PIK3CA: variants seen among roughly 807,000 people sequenced by gnomAD.
The protein encoded by PIK3CA is phosphatidylinositol 4,5-bisphosphate 3-kinase catalytic subunit alpha isoform.
PIK3CA carries 27 observed loss-of-function variants against 138.2 expected under a neutral mutation model. The observed-to-expected ratio is 0.20, with a 90% CI of 0.14 to 0.27. The LOEUF is 0.27. PIK3CA is among the 10% of genes least tolerant of loss of function. The probability of loss-of-function intolerance (pLI) is 1.00; values close to 1 mark genes in which losing one functional copy is unlikely to be tolerated. For missense variants in PIK3CA, 544 were observed against 1,277.4 expected (o/e 0.43, Z 8.75); for synonymous variants, 358 against 413.2 (o/e 0.87, Z 1.62).
intron 1 of PIK3CA, among the ~76,000 whole-genome samples, chr3:179,170,566 A>G (rs1261025780): frequency 6.6e-6 from 1 of 152,214 alleles, no homozygotes; most frequent in East Asian, 1.9e-4. Flanking sequence ...TCATCAAAAT[A>G]AATGTATCTT....
intron 1 of PIK3CA, among the ~76,000 whole-genome samples, chr3:179,157,894 T>C (rs1723179780): frequency 6.6e-6 from 1 of 152,158 alleles, no homozygotes; most frequent in African/African-American, 2.4e-5. Flanking sequence ...TTTCTTCATT[T>C]GTAAATGAGG....
rs1725256562 is a variant in PIK3CA at position 179,233,390 on chromosome 3, T to C, written c.2937-704T>C. 3 of 398,048 alleles carry C rather than the reference T, an allele frequency of 7.5e-6. No homozygotes were observed. The East Asian group carries it at 1.1e-4, about 14-fold the overall frequency. The allele number at this position is 398,048 out of a possible 1,614,324, so 24.7% of individuals were successfully genotyped here. ...TTTTGAGGTAAGTCCCTTCTATGCCTAGTTTGTTGAGTGAAAAACTATTTT... is the reference window on the plus strand; with the variant it reads ...TTTTGAGGTAAGTCCCTTCTATGCCCAGTTTGTTGAGTGAAAAACTATTTT... On this transcript the variant is annotated intron_variant, in intron 20 of 20. Transcript: ENST00000263967.
intron 4 of PIK3CA, among the ~76,000 whole-genome samples, chr3:179,203,310 T>G (rs368198434): frequency 2.6e-5 from 4 of 152,338 alleles, no homozygotes; most frequent in South Asian, 4.1e-4. Context: ...AAGTTGACCT[T>G]AATTTTTTTC....
intron 6 of PIK3CA, among the ~76,000 whole-genome samples, chr3:179,205,988 G>A (rs1724548792): frequency 6.6e-6 from 1 of 151,982 alleles, no homozygotes; most frequent in African/African-American, 2.4e-5. Context: ...CTGCCACAGG[G>A]AAGGAAGATA....
At chr3:179,185,296 C>G (rs753697498) in intron 1 of PIK3CA, among the ~76,000 whole-genome samples, 2 of 152,200 alleles carry the variant, frequency 1.3e-5, no homozygotes, top group South Asian at 2.1e-4. Context: ...TTAAAAGAAT[C>G]AGGTCAAGTG....
chr3:179,203,483 C>G (rs2108392309), intron 4 of PIK3CA, 61 bp from the exon 5 acceptor site: 1 of 1,501,592 alleles, frequency 6.7e-7, no homozygotes, highest in South Asian at 1.3e-5. Context: ...AATACTCTGA[C>G]ATGTTACTTT....
chr3:179,198,712 G>T, intron 1 of PIK3CA, 38 bp from the exon 2 acceptor site: 2 of 566,080 alleles, frequency 3.5e-6, no homozygotes. Context: ...TTCTGTAGTT[G>T]TGTCTCTTTT....
chr3:179,162,721 A>G (rs1723316226), intron 1 of PIK3CA, among the ~76,000 whole-genome samples: 1 of 152,176 alleles, frequency 6.6e-6, no homozygotes, highest in African/African-American at 2.4e-5. Flanking sequence ...TAAATGAGCC[A>G]ATGTGAAGAA....
At chr3:179,158,409 T>C (rs1159476757) in intron 1 of PIK3CA, among the ~76,000 whole-genome samples, 1 of 152,104 alleles carries the variant, frequency 6.6e-6, no homozygotes, top group African/African-American at 2.4e-5. Flanking sequence ...TCCTGGAATC[T>C]TCGAATTCCC....
In PIK3CA at chr3:179,238,423, C is replaced by G. The variant is rs2091652; in HGVS notation, c.*4059C>G. 4.5e-6 allele frequency: 1 copy of G among 220,010 alleles called. No individual in the cohort carries two copies. Among genetic ancestry groups the G allele is most frequent in the Non-Finnish European group, 9.1e-6 (1 of 109,822 alleles). The allele number at this position is 220,010 out of a possible 1,614,324, so 13.6% of individuals were successfully genotyped here. A position where few individuals can be genotyped will look rare whatever the true frequency, so the allele number is the denominator to read the frequency against. On this transcript the variant is annotated 3_prime_UTR_variant, in exon 21 of 21. Coordinates refer to ENST00000263967, the MANE Select transcript of PIK3CA (RefSeq NM_006218.4). ...AATTATTTTTACTGTATGAAAAGAT[C>G]ATGGGGTTTAGCTCAAAATATCTGT... is the stretch of plus-strand genomic sequence containing the variant.
At position 179,172,491 on chromosome 3, in the gene PIK3CA, GA is replaced by G. The variant is rs532076726; in HGVS notation, c.-77+23900del. Among the ~76,000 whole-genome samples the G allele has an allele frequency of 2.5e-3, 348 of 139,910 alleles. 2 individuals carry two copies. The highest frequency in any genetic ancestry group is 0.021 in the East Asian group (99 of 4,788). 91.8% of individuals were successfully genotyped at this position (139,910 alleles called of 152,430 possible). A position where few individuals can be genotyped will look rare whatever the true frequency, so the allele number is the denominator to read the frequency against. On this transcript the variant is annotated intron_variant, in intron 1 of 20. Transcript: ENST00000263967. ...AAAGTTCTAAAGAATCTACCAAAAA[GA>G]AAAAAAAAAAATACTAGAACTAACA...
chr3:179,161,061 T>G (rs1289316451), intron 1 of PIK3CA, among the ~76,000 whole-genome samples: 6 of 152,182 alleles, frequency 3.9e-5, no homozygotes, highest in Non-Finnish European at 8.8e-5. Flanking sequence ...TCAAGTCTTC[T>G]TGGCTCAGTA....
chr3:179,212,737 G>A (rs537438278), intron 9 of PIK3CA, among the ~76,000 whole-genome samples: 3 of 151,916 alleles, frequency 2.0e-5, no homozygotes, highest in Non-Finnish European at 2.9e-5. Context: ...CATCATGCCC[G>A]GCCAAAAGAC....
chr3:179,157,490 ACT>A (rs1723167308), intron 1 of PIK3CA, among the ~76,000 whole-genome samples: 1 of 152,012 alleles, frequency 6.6e-6, no homozygotes, highest in South Asian at 2.1e-4. Flanking sequence ...ATATTATGAG[ACT>A]CTAGATTTCT....
In PIK3CA at chr3:179,234,340, A is replaced by G. The variant is rs924834976; in HGVS notation, c.3183A>G (p.Thr1061=). 1.2e-6 allele frequency: 2 copies of G among 1,611,882 alleles called. No homozygotes were observed. The highest frequency in any genetic ancestry group is 1.3e-5 in the African/African-American group (1 of 74,956). The change falls in exon 21 of 21, where the codon ACA becomes ACG. Residue 1061 remains threonine, a synonymous_variant. Transcript: ENST00000263967. This position sits in a 1 kb window ranked among gnomAD's most constrained non-coding sequence, Gnocchi z 5.1. ...WTTKMDWIFH[T]IKQHALN Reference sequence around the variant, plus strand: ...CAAAAATGGATTGGATCTTCCACACAATTAAACAGCATGCATTGAACTGAA... The same window carrying G: ...CAAAAATGGATTGGATCTTCCACACGATTAAACAGCATGCATTGAACTGAA...
intron 1 of PIK3CA, among the ~76,000 whole-genome samples, chr3:179,198,158 G>T (rs926981908): frequency 2.6e-5 from 4 of 151,990 alleles, no homozygotes; most frequent in Non-Finnish European, 5.9e-5. Context: ...ATATCACCTA[G>T]ATAAGAATCA....
rs532784201 is a variant in PIK3CA at position 179,229,158 on chromosome 3, G to C, written c.2496-114G>C. ...AGAAAATTAAAATTGGGGAAAGGCA[G>C]TAAAGGTCATGCATGACAAATTTAC... On this transcript the variant is annotated intron_variant, in intron 17 of 20. Transcript: ENST00000263967. 1.3e-4 allele frequency: 93 copies of C among 735,348 alleles called. 1 individual carries two copies. Among genetic ancestry groups the C allele is most frequent in the Non-Finnish European group, 1.7e-4 (78 of 456,300 alleles). The allele number at this position is 735,348 out of a possible 1,614,324, so 45.6% of individuals were successfully genotyped here. A position where few individuals can be genotyped will look rare whatever the true frequency, so the allele number is the denominator to read the frequency against.
Position 179,219,181 on chromosome 3 carries a change from G to T in PIK3CA, c.1665-15G>T. ...ATGCAAGAATGTTTATGTTTATTTT[G>T]TTTCTCCCACACAGACACTATTGTG... On this transcript the variant is annotated splice_polypyrimidine_tract_variant and intron_variant, in intron 10 of 20. Transcript: ENST00000263967. The surrounding 1 kb of genome is among the most constrained non-coding windows in gnomAD (Gnocchi z 4.2). The T allele has an allele frequency of 6.6e-7, 1 of 1,511,506 alleles. No homozygotes were observed. Among genetic ancestry groups the T allele is most frequent in the Non-Finnish European group, 9.2e-7 (1 of 1,089,580 alleles). 93.6% of individuals were successfully genotyped at this position (1,511,506 alleles called of 1,614,324 possible).
chr3:179,181,053 A>G (rs1240977106), intron 1 of PIK3CA, among the ~76,000 whole-genome samples: 1 of 152,024 alleles, frequency 6.6e-6, no homozygotes, highest in Non-Finnish European at 1.5e-5. Context: ...TGTCCTGGCA[A>G]AAAGACAAAC....
Sources: allele counts gnomAD v4.1 joint callset (sites outside exome capture counted in the v4.1 genomes callset), GRCh38; gene constraint gnomAD v4.1.1; non-coding constraint Gnocchi (gnomAD v3.1); transcripts MANE v1.5; gene names NCBI Gene and HGNC (gene_info 2026-07-23, HGNC 2026-07-21).